KCNH7: variants seen among roughly 807,000 people sequenced by gnomAD.
The protein encoded by KCNH7 is potassium voltage-gated channel subfamily H member 7.
KCNH7 carries 49 observed loss-of-function variants against 120.8 expected under a neutral mutation model. That is an observed-to-expected ratio of 0.41 (90% CI 0.32 to 0.51). KCNH7 has a LOEUF of 0.51. KCNH7 is among the 20% of genes least tolerant of loss of function. KCNH7 has a pLI of 0.38. For synonymous variants in KCNH7, 547 were observed against 516.1 expected (o/e 1.06, Z -0.81); for missense variants, 1,097 against 1,446.6 (o/e 0.76, Z 3.92).
chr2:162,749,395 T>C (rs1574338627), intron 2 of KCNH7, among the ~76,000 whole-genome samples: 1 of 152,282 alleles, frequency 6.6e-6, no homozygotes, highest in East Asian at 1.9e-4. Flanking sequence ...CTCCTCTAGA[T>C]TCACAGAATA....
intron 2 of KCNH7, among the ~76,000 whole-genome samples, chr2:162,690,072 C>CT (rs1559083511): frequency 6.6e-6 from 1 of 152,124 alleles, no homozygotes; most frequent in East Asian, 1.9e-4. Context: ...AGATCATGTT[C>CT]TTTGCAGGGA....
chr2:162,650,137 T>C (rs1684517005), intron 2 of KCNH7, among the ~76,000 whole-genome samples: 1 of 152,190 alleles, frequency 6.6e-6, no homozygotes, highest in African/African-American at 2.4e-5. Context: ...CTTATATTTC[T>C]TAGAATCACT....
intron 6 of KCNH7, among the ~76,000 whole-genome samples, chr2:162,448,617 T>C (rs1573970447): frequency 6.6e-6 from 1 of 152,134 alleles, no homozygotes; most frequent in African/African-American, 2.4e-5. Context: ...GGTGACAAAC[T>C]TCCGATACTA....
intron 3 of KCNH7, among the ~76,000 whole-genome samples, chr2:162,526,285 G>T (rs762834285): frequency 6.6e-6 from 1 of 151,916 alleles, no homozygotes; most frequent in Non-Finnish European, 1.5e-5. Flanking sequence ...CCACAGGACC[G>T]AGGTGAAATT....
chr2:162,413,982 C>T (rs979915254), intron 9 of KCNH7, among the ~76,000 whole-genome samples: 1 of 151,420 alleles, frequency 6.6e-6, no homozygotes, highest in Non-Finnish European at 1.5e-5. Flanking sequence ...ATAAAAAAGC[C>T]AAATAATATG....
chr2:162,689,130 T>C (rs1189010731), intron 2 of KCNH7, among the ~76,000 whole-genome samples: 1 of 141,080 alleles, frequency 7.1e-6, no homozygotes, highest in Non-Finnish European at 1.5e-5. Context: ...CATTATTGTA[T>C]TACATTTAGT....
At chr2:162,528,808 G>A (rs879517261) in intron 3 of KCNH7, among the ~76,000 whole-genome samples, 24 of 152,118 alleles carry the variant, frequency 1.6e-4, no homozygotes, top group Middle Eastern at 6.8e-3. Flanking sequence ...ATCAGTCCAA[G>A]AAAGATGTGT....
At chr2:162,425,777 A>G (rs953170013) in intron 8 of KCNH7, among the ~76,000 whole-genome samples, 9 of 152,164 alleles carry the variant, frequency 5.9e-5, no homozygotes, top group African/African-American at 2.2e-4. Context: ...ATTTTAGCAA[A>G]TTAGATGTTA....
At position 162,411,514 on chromosome 2, in the gene KCNH7, C is replaced by G. The variant is rs10209468; in HGVS notation, c.2155-11073G>C. Among the ~76,000 whole-genome samples the G allele has an allele frequency of 3.3e-3, 507 of 152,052 alleles. 2 individuals are homozygous for G. Among genetic ancestry groups the G allele is most frequent in the African/African-American group, 0.012 (479 of 41,516 alleles). ...AAAGGGTACCACTGGGCACTATGTT[C>G]ACTACCTTGGGATCATTTGTACATC... is the stretch of plus-strand genomic sequence containing the variant. On this transcript the variant is annotated intron_variant, in intron 9 of 15. Transcript: ENST00000332142.
intron 2 of KCNH7, among the ~76,000 whole-genome samples, chr2:162,564,697 T>C (rs1369793095): frequency 1.3e-5 from 2 of 152,106 alleles, no homozygotes; most frequent in African/African-American, 4.8e-5. Flanking sequence ...GATTATTGGT[T>C]TAGGATTAAG....
chr2:162,777,619 A>G (rs1683293840), intron 2 of KCNH7, among the ~76,000 whole-genome samples: 1 of 152,124 alleles, frequency 6.6e-6, no homozygotes, highest in Admixed American at 6.6e-5. Context: ...TACTCACTGT[A>G]TTACAGTATC....
At chr2:162,665,245 G>A (rs1685093943) in intron 2 of KCNH7, among the ~76,000 whole-genome samples, 1 of 151,924 alleles carries the variant, frequency 6.6e-6, no homozygotes, top group African/African-American at 2.4e-5. Flanking sequence ...ATGTCAAATT[G>A]CAATTTGTAT....
Position 162,505,754 on chromosome 2 carries a change from A to C in KCNH7, c.914-1097T>G, listed in dbSNP as rs74678018. Among the ~76,000 whole-genome samples the C allele has an allele frequency of 1.5e-3, 235 of 152,070 alleles. 1 individual carries two copies. In the East Asian group the frequency reaches 0.017, roughly 11 times the overall value. On this transcript the variant is annotated intron_variant, in intron 5 of 15. Transcript: ENST00000332142. Reference sequence around the variant, plus strand: ...GAAGTGGTTAAAACATACAAATTCCATCAATAAACTTGTTAGGCAGCATAG... The same window carrying C: ...GAAGTGGTTAAAACATACAAATTCCCTCAATAAACTTGTTAGGCAGCATAG...
intron 2 of KCNH7, among the ~76,000 whole-genome samples, chr2:162,633,325 C>T (rs566375821): frequency 6.6e-6 from 1 of 151,996 alleles, no homozygotes; most frequent in African/African-American, 2.4e-5. Flanking sequence ...GTGCCTCAGC[C>T]ACCATTTAAA....
In KCNH7 at chr2:162,646,150, C is replaced by T. The variant is rs907246523; in HGVS notation, c.308-109070G>A. Among the ~76,000 whole-genome samples the T allele has an allele frequency of 3.3e-5, 5 of 152,082 alleles. 1 individual carries two copies. The highest frequency in any genetic ancestry group is 4.1e-4 in the South Asian group (2 of 4,824). On this transcript the variant is annotated intron_variant, in intron 2 of 15. Coordinates refer to ENST00000332142, the MANE Select transcript of KCNH7 (RefSeq NM_033272.4). ...AAAACAAGAAGAGAGTTCCAATAAG[C>T]GATTTATATTTGCAAATATATTTAT...
intron 2 of KCNH7, among the ~76,000 whole-genome samples, chr2:162,591,646 A>C (rs1694220709): frequency 6.6e-6 from 1 of 152,266 alleles, no homozygotes; most frequent in Middle Eastern, 3.4e-3. Flanking sequence ...ATAGGTCCTA[A>C]GTTTCATCAT....
chr2:162,410,793 T>A (rs1687368696), intron 9 of KCNH7, among the ~76,000 whole-genome samples: 1 of 151,934 alleles, frequency 6.6e-6, no homozygotes, highest in African/African-American at 2.4e-5. Flanking sequence ...GCAAAGGACA[T>A]GAACAGATAC....
intron 3 of KCNH7, among the ~76,000 whole-genome samples, chr2:162,535,172 T>C (rs2105822119): frequency 6.6e-6 from 1 of 151,770 alleles, no homozygotes; most frequent in South Asian, 2.1e-4. Flanking sequence ...CGCACAACAA[T>C]CAGAGCCAGG....
rs141641168 is a variant in KCNH7 at position 162,583,977 on chromosome 2, G to A, written c.308-46897C>T. ...AGAAAGGGCAGTACCCAATAATCAAGCACATTGATATCTATGCATCAAAAT... is the reference window on the plus strand; with the variant it reads ...AGAAAGGGCAGTACCCAATAATCAAACACATTGATATCTATGCATCAAAAT... On this transcript the variant is annotated intron_variant, in intron 2 of 15. Coordinates refer to ENST00000332142, the MANE Select transcript of KCNH7 (RefSeq NM_033272.4). Among the ~76,000 whole-genome samples the A allele has an allele frequency of 3.3e-5, 5 of 152,198 alleles. No individual in the cohort carries two copies. The East Asian group carries it at 7.7e-4, about 24-fold the overall frequency.
Sources: allele counts gnomAD v4.1 joint callset (sites outside exome capture counted in the v4.1 genomes callset), GRCh38; gene constraint gnomAD v4.1.1; transcripts MANE v1.5; gene names NCBI Gene and HGNC (gene_info 2026-07-23, HGNC 2026-07-21).